The following SEPTIN10 variants were observed in gnomAD, a reference collection of about 807,000 sequenced individuals.
The protein encoded by SEPTIN10 is septin 10.
SEPTIN10 carries 66 observed loss-of-function variants against 54.8 expected under a neutral mutation model. The observed-to-expected ratio is 1.21, with a 90% CI of 0.99 to 1.48. The LOEUF (loss-of-function observed/expected upper bound fraction) is 1.48. Among genes scored for constraint, SEPTIN10 ranks in the 40% most tolerant of loss-of-function variants. SEPTIN10 has a pLI of 0.00. For synonymous variants in SEPTIN10, 161 were observed against 181.0 expected (o/e 0.89, Z 0.89); for missense variants, 620 against 545.6 (o/e 1.14, Z -1.36).
intron 1 of SEPTIN10, among the ~76,000 whole-genome samples, chr2:109,607,989 G>A (rs2106314063): frequency 6.6e-6 from 1 of 152,320 alleles, no homozygotes; most frequent in East Asian, 1.9e-4. Context: ...TTCAATGTCT[G>A]TTTCTGAAGC....
intron 7 of SEPTIN10, 141 bp downstream of exon 7, chr2:109,565,622 A>G: frequency 1.4e-6 from 1 of 724,602 alleles, no homozygotes; most frequent in Non-Finnish European, 2.4e-6. Context: ...CGGCCTCCAG[A>G]CTTTGGCTAA....
At chr2:109,553,305 G>GATT in intron 8 of SEPTIN10, 86 bp from the exon 9 acceptor site, 2 of 1,417,618 alleles carry the variant, frequency 1.4e-6, no homozygotes, top group Non-Finnish European at 1.9e-6. Flanking sequence ...AACACTTTGG[G>GATT]AGGCCGAGGC....
intron 1 of SEPTIN10, among the ~76,000 whole-genome samples, chr2:109,597,931 C>T (rs1024954405): frequency 2.0e-5 from 3 of 152,268 alleles, no homozygotes; most frequent in African/African-American, 4.8e-5. Flanking sequence ...TGCTTCTTTT[C>T]CAACAGGCCC....
chr2:109,572,131 T>G (rs1486211099), intron 5 of SEPTIN10, among the ~76,000 whole-genome samples: 3 of 152,102 alleles, frequency 2.0e-5, no homozygotes, highest in African/African-American at 7.2e-5. Flanking sequence ...GCTCCCCACC[T>G]CTTTTTTTTT....
chr2:109,567,625 A>G (rs188019074), intron 6 of SEPTIN10, among the ~76,000 whole-genome samples, 190 bp downstream of exon 6: 4 of 152,366 alleles, frequency 2.6e-5, no homozygotes, highest in East Asian at 1.9e-4. Context: ...ATGCTTAAAA[A>G]TAAATTCTCC....
At chr2:109,613,408 CG>C (rs942291082) in intron 1 of SEPTIN10, 2 of 323,238 alleles carry the variant, frequency 6.2e-6, no homozygotes, top group Admixed American at 3.8e-5. Flanking sequence ...CAGGGAGGCT[CG>C]GAAGTGCTCA....
Position 109,593,050 on chromosome 2 carries a change from C to A in SEPTIN10, c.99+1G>T. The A allele has an allele frequency of 6.3e-7, 1 of 1,580,896 alleles. No homozygotes were observed. The highest frequency in any genetic ancestry group is 8.6e-7 in the Non-Finnish European group (1 of 1,164,588). On this transcript the variant is annotated splice_donor_variant, in intron 2 of 10. Transcript: ENST00000397712. LOFTEE classifies it high-confidence loss of function. ...GGTATCTATTTAAAAGACATACTCA[C>A]TATCTGTTCATCATCTGATCCTTGT...
chr2:109,548,537 A>G (rs903813799), intron 9 of SEPTIN10, among the ~76,000 whole-genome samples: 10 of 152,108 alleles, frequency 6.6e-5, no homozygotes, highest in African/African-American at 2.4e-4. Context: ...GACGTTTGGG[A>G]GGCCGAGGTG....
intron 5 of SEPTIN10, among the ~76,000 whole-genome samples, chr2:109,573,551 C>T (rs556236957): frequency 3.3e-5 from 5 of 152,226 alleles, no homozygotes; most frequent in African/African-American, 4.8e-5. Context: ...GTAAATCGAC[C>T]GATGTGCCAA....
At chr2:109,597,776 G>T (rs1177052672) in intron 1 of SEPTIN10, among the ~76,000 whole-genome samples, 2 of 152,162 alleles carry the variant, frequency 1.3e-5, no homozygotes, top group African/African-American at 4.8e-5. Flanking sequence ...GCCAGACGTG[G>T]GATAGCTGGA....
intron 5 of SEPTIN10, among the ~76,000 whole-genome samples, chr2:109,569,437 TAA>T (rs61064446): frequency 0.071 from 9,268 of 131,168 alleles, 691 homozygotes; most frequent in East Asian, 0.25. Context: ...AAACTCTTGT[TAA>T]AAAAAAAAAA....
At chr2:109,584,323 A>C (rs372185857) in intron 4 of SEPTIN10, among the ~76,000 whole-genome samples, 92 of 151,954 alleles carry the variant, frequency 6.1e-4, no homozygotes, top group Middle Eastern at 6.8e-3. Flanking sequence ...TAAAAACACA[A>C]AAAAAATTAG....
intron 8 of SEPTIN10, among the ~76,000 whole-genome samples, chr2:109,561,527 C>A (rs2105065091): frequency 6.6e-6 from 1 of 152,288 alleles, no homozygotes; most frequent in South Asian, 2.1e-4. Context: ...AGATTTTACC[C>A]AGTATTATTC....
intron 2 of SEPTIN10, among the ~76,000 whole-genome samples, chr2:109,586,147 A>G (rs1296344391): frequency 6.6e-6 from 1 of 152,258 alleles, no homozygotes; most frequent in Non-Finnish European, 1.5e-5. Context: ...ATAAAAAGTT[A>G]AAGTCCATTT....
chr2:109,596,941 T>C (rs1422930622), intron 1 of SEPTIN10, among the ~76,000 whole-genome samples: 2 of 152,206 alleles, frequency 1.3e-5, no homozygotes, highest in Non-Finnish European at 2.9e-5. Context: ...TTTTTTAAAA[T>C]TTATTAATTT....
chr2:109,584,243 G>A (rs751809280), intron 4 of SEPTIN10, among the ~76,000 whole-genome samples: 12 of 152,126 alleles, frequency 7.9e-5, no homozygotes, highest in Non-Finnish European at 1.5e-4. Context: ...TCGGGAGGCC[G>A]AGGTGGGTAG....
In SEPTIN10 at chr2:109,546,223, A is replaced by G; in HGVS notation, c.1176T>C (p.Phe392=). 6.4e-7 allele frequency: 1 copy of G among 1,553,914 alleles called. No homozygotes were observed. Among genetic ancestry groups the G allele is most frequent in the Non-Finnish European group, 8.7e-7 (1 of 1,152,588 alleles). The change falls in exon 10 of 11, where the codon TTT becomes TTC. Residue 392 remains phenylalanine, a synonymous_variant. Coordinates refer to ENST00000397712, the MANE Select transcript of SEPTIN10 (RefSeq NM_144710.5). ...CTTGGTGAAGTCTCTTAAGGTGCTC[A>G]AATTTGGCCTGTAGCTGGAAACAAA... ...KEAERELQAK[F]EHLKRLHQEE... is the part of the protein sequence containing the mutation.
At chr2:109,559,611 C>G (rs1358684565) in intron 8 of SEPTIN10, among the ~76,000 whole-genome samples, 2 of 152,174 alleles carry the variant, frequency 1.3e-5, no homozygotes, top group African/African-American at 4.8e-5. Context: ...CTCTTGGTAC[C>G]AGTATCCATT....
chr2:109,561,557 C>T (rs969279713), intron 8 of SEPTIN10, among the ~76,000 whole-genome samples: 2 of 152,222 alleles, frequency 1.3e-5, no homozygotes, highest in African/African-American at 4.8e-5. Context: ...TCCCAAATTA[C>T]TATGGCAGCC....
Sources: allele counts gnomAD v4.1 joint callset (sites outside exome capture counted in the v4.1 genomes callset), GRCh38; gene constraint gnomAD v4.1.1; transcripts MANE v1.5; gene names NCBI Gene and HGNC (gene_info 2026-07-23, HGNC 2026-07-21).